The following FOXP1 variants were observed in gnomAD, a reference collection of about 807,000 sequenced individuals.
FOXP1 encodes the protein forkhead box P1.
FOXP1 carries 15 observed loss-of-function variants against 98.2 expected under a neutral mutation model. The ratio of observed to expected loss-of-function variants is 0.15; its 90% CI spans 0.10 to 0.24. The LOEUF (loss-of-function observed/expected upper bound fraction) is 0.24. Ranked by LOEUF, FOXP1 falls within the 10% of genes least tolerant of loss-of-function variation. The probability of loss-of-function intolerance (pLI) is 1.00; values close to 1 mark genes in which losing one functional copy is unlikely to be tolerated. For missense variants in FOXP1, 633 were observed against 848.5 expected (o/e 0.75, Z 3.15); for synonymous variants, 371 against 314.5 (o/e 1.18, Z -1.90).
At chr3:71,336,480 T>C (rs111457365) in intron 4 of FOXP1, among the ~76,000 whole-genome samples, 1 of 122,786 alleles carries the variant, frequency 8.1e-6, no homozygotes, top group African/African-American at 2.5e-5. Flanking sequence ...CCTGTGTCCA[T>C]GTGTTCGATA....
intron 3 of FOXP1, among the ~76,000 whole-genome samples, chr3:71,472,208 C>T (rs925989174): frequency 6.6e-6 from 1 of 151,824 alleles, no homozygotes; most frequent in African/African-American, 2.4e-5. Flanking sequence ...TTGTTTTTAC[C>T]TCCTCAGGAC....
At chr3:71,498,299 T>C (rs1490830647) in intron 2 of FOXP1, among the ~76,000 whole-genome samples, 1 of 152,174 alleles carries the variant, frequency 6.6e-6, no homozygotes, top group Non-Finnish European at 1.5e-5. Context: ...CCTGAAGCAA[T>C]CCCTGCTCAG....
chr3:71,028,432 G>T (rs1046329199), intron 11 of FOXP1, among the ~76,000 whole-genome samples: 2 of 152,154 alleles, frequency 1.3e-5, no homozygotes, highest in African/African-American at 4.8e-5. Context: ...CTAAGGGTGG[G>T]GCCCAGTAGC....
intron 14 of FOXP1, among the ~76,000 whole-genome samples, chr3:70,982,165 GC>G (rs954431908): frequency 6.6e-6 from 1 of 151,922 alleles, no homozygotes; most frequent in Non-Finnish European, 1.5e-5. Context: ...AAAAAAGAGT[GC>G]CCCCCCAAAA....
At chr3:71,493,974 A>G (rs2091236674) in intron 2 of FOXP1, among the ~76,000 whole-genome samples, 1 of 152,204 alleles carries the variant, frequency 6.6e-6, no homozygotes, top group East Asian at 1.9e-4. Flanking sequence ...ATTTTAAATT[A>G]TTTTAGAAAT....
At chr3:71,288,126 C>T (rs999356394) in intron 5 of FOXP1, among the ~76,000 whole-genome samples, 3 of 152,110 alleles carry the variant, frequency 2.0e-5, no homozygotes, top group Admixed American at 6.5e-5. Flanking sequence ...ATGATCTGCC[C>T]GTCTCGGCCT....
intron 16 of FOXP1, 26 bp downstream of exon 16, chr3:70,977,617 T>G: frequency 6.4e-7 from 1 of 1,563,778 alleles, no homozygotes; most frequent in African/African-American, 1.4e-5. Flanking sequence ...TCTGACAGAA[T>G]TTCATATACT....
chr3:71,558,802 C>CTTTTTTTTTTTTTTTTTTTTT (rs35405702), intron 2 of FOXP1, among the ~76,000 whole-genome samples: 2 of 117,546 alleles, frequency 1.7e-5, no homozygotes, highest in African/African-American at 6.9e-5. Context: ...CCGATTCTCA[C>CTTTTTTTTTTTTTTTTTTTTT]TTTTTTTTTT....
At chr3:71,403,893 G>C (rs537850677) in intron 3 of FOXP1, among the ~76,000 whole-genome samples, 1 of 152,158 alleles carries the variant, frequency 6.6e-6, no homozygotes, top group Non-Finnish European at 1.5e-5. Flanking sequence ...TCCGAGAAAT[G>C]ATGGAATTCC....
At chr3:71,110,779 A>T (rs2057853187) in intron 7 of FOXP1, among the ~76,000 whole-genome samples, 1 of 152,210 alleles carries the variant, frequency 6.6e-6, no homozygotes, top group Admixed American at 6.5e-5. Context: ...TGAAAGGTCA[A>T]CATAGTCGTA....
intron 3 of FOXP1, among the ~76,000 whole-genome samples, chr3:71,492,655 G>GA (rs2091144791): frequency 6.6e-6 from 1 of 152,102 alleles, no homozygotes; most frequent in African/African-American, 2.4e-5. Flanking sequence ...TACAAACCCT[G>GA]AAATGATAAG....
chr3:71,532,609 C>T (rs1482141156), intron 2 of FOXP1, among the ~76,000 whole-genome samples: 1 of 152,134 alleles, frequency 6.6e-6, no homozygotes, highest in Non-Finnish European at 1.5e-5. Flanking sequence ...CTTATTAAAA[C>T]TCACAGTGTT....
intron 3 of FOXP1, among the ~76,000 whole-genome samples, chr3:71,436,747 A>G (rs1233321800): frequency 6.6e-6 from 1 of 152,176 alleles, no homozygotes; most frequent in Non-Finnish European, 1.5e-5. Context: ...ACACCAAAAT[A>G]CCTGGAAACC....
At chr3:71,245,129 C>G (rs1474195413) in intron 5 of FOXP1, 1 of 152,140 alleles carries the variant, frequency 6.6e-6, no homozygotes, top group Non-Finnish European at 1.5e-5. Context: ...TTCCGGGAAG[C>G]CTTTTGTGGA....
intron 5 of FOXP1, among the ~76,000 whole-genome samples, chr3:71,290,464 C>G (rs1355509357): frequency 2.0e-5 from 3 of 152,166 alleles, no homozygotes; most frequent in Non-Finnish European, 4.4e-5. Flanking sequence ...TCCTGGCCAT[C>G]ATCATATCTC....
At chr3:71,498,351 C>T (rs969569683) in intron 2 of FOXP1, among the ~76,000 whole-genome samples, 3 of 152,178 alleles carry the variant, frequency 2.0e-5, no homozygotes, top group East Asian at 3.8e-4. Flanking sequence ...GCTGTGGTTC[C>T]CTGAGGCCGG....
At chr3:71,230,487 TA>T (rs796487304) in intron 5 of FOXP1, among the ~76,000 whole-genome samples, 41 of 152,348 alleles carry the variant, frequency 2.7e-4, no homozygotes, top group African/African-American at 8.7e-4. Flanking sequence ...AGGAGGGGGT[TA>T]AATGCATCTC....
At chr3:71,500,513 C>T (rs1008824718) in intron 2 of FOXP1, among the ~76,000 whole-genome samples, 16 of 152,152 alleles carry the variant, frequency 1.1e-4, no homozygotes, top group African/African-American at 3.9e-4. Context: ...CCAGAATCTC[C>T]CTTCTGTGCT....
At position 71,356,615 on chromosome 3, in the gene FOXP1, G is replaced by A. The variant is rs2078178432; in HGVS notation, c.-73+2535C>T. Among the ~76,000 whole-genome samples, 4 of 152,142 alleles carry A rather than the reference G, an allele frequency of 2.6e-5. No individual in the cohort carries two copies. In the South Asian group the frequency reaches 8.3e-4, roughly 32 times the overall value. ...CTCTCTAACTCTTCAGAGTGAGCTG[G>A]CTTCTATTTTTATCCCCTTTTCCAG... On this transcript the variant is annotated intron_variant, in intron 4 of 20. Transcript: ENST00000649528.
Sources: allele counts gnomAD v4.1 joint callset (sites outside exome capture counted in the v4.1 genomes callset), GRCh38; gene constraint gnomAD v4.1.1; transcripts MANE v1.5; gene names NCBI Gene and HGNC (gene_info 2026-07-23, HGNC 2026-07-21).